The following BECN1 variants were observed in gnomAD, a reference collection of about 807,000 sequenced individuals.
BECN1 encodes beclin-1.
In BECN1, 15 loss-of-function variants were observed where a neutral mutation model predicts 60.1. The observed-to-expected ratio is 0.25, with a 90% CI of 0.17 to 0.38. The LOEUF is 0.38. Among genes scored for constraint, BECN1 ranks in the 10% least tolerant of loss-of-function variants. BECN1 has a pLI of 1.00. For synonymous variants in BECN1, 179 were observed against 201.8 expected, an observed-to-expected ratio of 0.89 and a Z score of 0.96; for missense variants, 424 against 548.2, an observed-to-expected ratio of 0.77 and a Z score of 2.26.
At position 42,814,427 on chromosome 17, in the gene BECN1, C is replaced by T. The variant is rs2055101998; in HGVS notation, c.980+97G>A. ...CCACAGAAAACTCCCAGTCTGTGGG[C>T]AGCAAGGGCTCCTGACATGGTGGAC... is the stretch of plus-strand genomic sequence containing the variant. On this transcript the variant is annotated intron_variant, in intron 9 of 11. Coordinates refer to ENST00000590099, the MANE Select transcript of BECN1 (RefSeq NM_001313998.2). 31 of 1,522,336 alleles carry T rather than the reference C, an allele frequency of 2.0e-5. No homozygotes were observed. In the South Asian group the frequency reaches 3.8e-4, roughly 19 times the overall value. The allele number at this position is 1,522,336 out of a possible 1,614,324, so 94.3% of individuals were successfully genotyped here.
In BECN1 at chr17:42,818,883, G is replaced by C; in HGVS notation, c.261-6C>G. On this transcript the variant is annotated splice_region_variant and splice_polypyrimidine_tract_variant and intron_variant, in intron 4 of 11. Coordinates refer to ENST00000590099, the MANE Select transcript of BECN1 (RefSeq NM_001313998.2). Reference sequence around the variant, plus strand: ...CACTTTCTGTGGACATCATCCTGCAGACAGCCCCCCGCCCACGGGCCACAT... The same window carrying C: ...CACTTTCTGTGGACATCATCCTGCACACAGCCCCCCGCCCACGGGCCACAT... 1 of 1,614,038 alleles carries C rather than the reference G, an allele frequency of 6.2e-7. No homozygotes were observed. Among genetic ancestry groups the C allele is most frequent in the Non-Finnish European group, 8.5e-7 (1 of 1,179,916 alleles).
intron 11 of BECN1, chr17:42,811,284 A>C (rs546368381): frequency 3.6e-6 from 1 of 276,488 alleles, no homozygotes; most frequent in East Asian, 6.6e-5. Context: ...TGATAGAAGC[A>C]GCCTTACTCT....
intron 11 of BECN1, 109 bp downstream of exon 11, chr17:42,811,546 T>C (rs1456264201): frequency 7.0e-7 from 1 of 1,419,300 alleles, no homozygotes; most frequent in East Asian, 2.3e-5. Flanking sequence ...TTCTGTGCCA[T>C]TTTTTTGCTT....
At position 42,813,995 on chromosome 17, in the gene BECN1, G is replaced by C; in HGVS notation, c.994C>G (p.Pro332Ala). ...GLKFQRYRLV[P>A]YGNHSYLESL... ...TCCAGATATGAATGGTTTCCGTAAG[G>C]AACAAGTCGGTATCTAAAATAGAGA... Residue 332 changes from proline to alanine, a missense_variant, in exon 10 of 12, where the codon CCT (proline) becomes GCT (alanine). This residue lies in a region of BECN1 where 326 missense variants were observed against 406.2 expected (regional missense o/e 0.80). Coordinates refer to ENST00000590099, the MANE Select transcript of BECN1 (RefSeq NM_001313998.2). The C allele has an allele frequency of 6.2e-7, 1 of 1,603,198 alleles. No individual in the cohort carries two copies. The highest frequency in any genetic ancestry group is 2.2e-5 in the East Asian group (1 of 44,682).
In BECN1 at chr17:42,811,707, G is replaced by C; in HGVS notation, c.1132C>G (p.Gln378Glu). Residue 378 changes from glutamine to glutamate, a missense_variant, in exon 11 of 12, where the codon CAG (glutamine) becomes GAG (glutamate). Around this residue, in one of 3 missense-constraint regions of BECN1, gnomAD observed 326 missense variants for 406.2 expected, o/e 0.80. Coordinates refer to ENST00000590099, the MANE Select transcript of BECN1 (RefSeq NM_001313998.2). ...AMVAFLDCVQ[Q>E]FKEEVEKGET... ...CCTTTCTCAACCTCTTCTTTGAACTGCTGCACACAGTCCAGGAAAGCCACC... is the reference window on the plus strand; with the variant it reads ...CCTTTCTCAACCTCTTCTTTGAACTCCTGCACACAGTCCAGGAAAGCCACC... The C allele has an allele frequency of 6.2e-7, 1 of 1,614,160 alleles. No individual in the cohort carries two copies. The highest frequency in any genetic ancestry group is 8.5e-7 in the Non-Finnish European group (1 of 1,180,028).
chr17:42,814,370 G>T, intron 9 of BECN1, 154 bp downstream of exon 9: 2 of 995,906 alleles, frequency 2.0e-6, no homozygotes, highest in East Asian at 2.5e-5. Context: ...GCCCTGTGAT[G>T]AGGGGAAAAT....
At chr17:42,818,970 A>G in intron 4 of BECN1, 93 bp from the exon 5 acceptor site, 1 of 1,403,974 alleles carries the variant, frequency 7.1e-7, no homozygotes, top group Non-Finnish European at 9.9e-7. Context: ...CTCAAGCACC[A>G]GCTGAGGGGC....
intron 2 of BECN1, among the ~76,000 whole-genome samples, chr17:42,823,480 C>CG (rs1446810737): frequency 1.9e-4 from 29 of 152,316 alleles, no homozygotes; most frequent in African/African-American, 7.0e-4. Context: ...TCTCGAACTC[C>CG]TGACCTCAGG....
chr17:42,818,236 T>G lies in BECN1; in HGVS notation c.668A>C (p.Asp223Ala). The G allele has an allele frequency of 1.2e-6, 2 of 1,614,172 alleles. No individual in the cohort carries two copies. Among genetic ancestry groups the G allele is most frequent in the Non-Finnish European group, 1.7e-6 (2 of 1,180,014 alleles). ...EKVQAEAERLDQEEAQYQREY... is the reference protein window; with the variant it reads ...EKVQAEAERLAQEEAQYQREY... ...GAGCACTCACTGAGCTTCCTCCTGA[T>G]CCAGTCTCTCAGCCTCAGCCTGGAC... Residue 223 changes from aspartate (D) to alanine (A), a missense_variant, in exon 7 of 12, where the codon GAT (aspartate) becomes GCT (alanine). By Grantham distance (126) the Asp-to-Ala change is moderately radical. Around this residue, in one of 3 missense-constraint regions of BECN1, gnomAD observed 326 missense variants for 406.2 expected, o/e 0.80. Transcript: ENST00000590099.
Position 42,819,592 on chromosome 17 carries a change from A to C in BECN1, c.216T>G (p.Thr72=). ...TNSGEEPFIE[T]PRQDGVSRRF... ...TGCGAGAGACACCATCCTGGCGAGG[A>C]GTTTCAATAAATGGCTCCTGGGAAA... The change falls in exon 4 of 12, where the codon ACT becomes ACG. Residue 72 remains threonine (T), a synonymous_variant. Coordinates refer to ENST00000590099, the MANE Select transcript of BECN1 (RefSeq NM_001313998.2). 6.2e-7 allele frequency: 1 copy of C among 1,613,708 alleles called. No homozygotes were observed. The highest frequency in any genetic ancestry group is 8.5e-7 in the Non-Finnish European group (1 of 1,179,936).
intron 7 of BECN1, among the ~76,000 whole-genome samples, chr17:42,817,310 C>CA (rs2055168239): frequency 2.7e-5 from 4 of 148,030 alleles, no homozygotes; most frequent in Admixed American, 2.7e-4. Context: ...AAAAAAAAAA[C>CA]AAAAAAACAG....
chr17:42,818,887 GC>G lies in BECN1; in HGVS notation c.261-11del. On this transcript the variant is annotated splice_polypyrimidine_tract_variant and intron_variant, in intron 4 of 11. Transcript: ENST00000590099. ...TTCTGTGGACATCATCCTGCAGACA[GC>G]CCCCCGCCCACGGGCCACATGAGGG... is the stretch of plus-strand genomic sequence containing the variant. The G allele has an allele frequency of 1.9e-6, 3 of 1,613,844 alleles. No homozygotes were observed. The highest frequency in any genetic ancestry group is 2.5e-6 in the Non-Finnish European group (3 of 1,179,814).
At chr17:42,814,064 G>T (rs574099052) in intron 9 of BECN1, 56 bp from the exon 10 acceptor site, 1 of 1,283,990 alleles carries the variant, frequency 7.8e-7, no homozygotes, top group Admixed American at 2.2e-5. Context: ...AGTGATTATT[G>T]GGAAGTTACA....
chr17:42,814,745 C>T (rs1245689684), intron 8 of BECN1, 72 bp from the exon 9 acceptor site: 6 of 1,571,644 alleles, frequency 3.8e-6, no homozygotes, highest in Non-Finnish European at 5.2e-6. Flanking sequence ...CCCACTCTCA[C>T]CCCAAACCTA....
intron 7 of BECN1, among the ~76,000 whole-genome samples, chr17:42,816,539 C>G (rs189581316): frequency 3.2e-4 from 48 of 151,424 alleles, no homozygotes; most frequent in Non-Finnish European, 2.4e-4. Flanking sequence ...GTAGTCCCAG[C>G]TACTTGGGAG....
In BECN1 at chr17:42,814,560, T is replaced by C; in HGVS notation, c.944A>G (p.His315Arg). The C allele has an allele frequency of 6.2e-7, 1 of 1,614,214 alleles. No individual in the cohort carries two copies. Among genetic ancestry groups the C allele is most frequent in the Non-Finnish European group, 8.5e-7 (1 of 1,180,034 alleles). Reference sequence around the variant, plus strand: ...CAGACCCATCTTATTGGCCAGAGCATGGAGCAGCAACACAGTCTGGCCCCA... The same window carrying C: ...CAGACCCATCTTATTGGCCAGAGCACGGAGCAGCAACACAGTCTGGCCCCA... ...AAWGQTVLLL[H>R]ALANKMGLKF... Residue 315 changes from histidine (H) to arginine (R), a missense_variant, in exon 9 of 12, where the codon CAT (histidine) becomes CGT (arginine). Physicochemically the swap from His to Arg is conservative, Grantham distance 29. Coordinates refer to ENST00000590099, the MANE Select transcript of BECN1 (RefSeq NM_001313998.2).
chr17:42,818,378 C>A lies in BECN1; in HGVS notation c.526G>T (p.Asp176Tyr). 6.2e-7 allele frequency: 1 copy of A among 1,614,232 alleles called. No homozygotes were observed. The highest frequency in any genetic ancestry group is 8.5e-7 in the Non-Finnish European group (1 of 1,180,032). The part of the protein sequence containing the change: ...LEILEQMNED[D>Y]SEQLQMELKE... Reference sequence around the variant, plus strand: ...AGCTCCATCTGTAACTGTTCACTGTCATCCTCATTCATTTGCTCTAAGATC... The same window carrying A: ...AGCTCCATCTGTAACTGTTCACTGTAATCCTCATTCATTTGCTCTAAGATC... Residue 176 changes from aspartate (D) to tyrosine (Y), a missense_variant, in exon 7 of 12, where the codon GAC becomes TAC. By Grantham distance (160) the Asp-to-Tyr change is radical. Coordinates refer to ENST00000590099, the MANE Select transcript of BECN1 (RefSeq NM_001313998.2).
In BECN1 at chr17:42,818,378, C is replaced by T; in HGVS notation, c.526G>A (p.Asp176Asn). 1 of 1,614,232 alleles carries T rather than the reference C, an allele frequency of 6.2e-7. No individual in the cohort carries two copies. The highest frequency in any genetic ancestry group is 8.5e-7 in the Non-Finnish European group (1 of 1,180,032). The change falls in exon 7 of 12, where the codon GAC becomes AAC. Residue 176 changes from aspartate (D) to asparagine (N), a missense_variant. Coordinates refer to ENST00000590099, the MANE Select transcript of BECN1 (RefSeq NM_001313998.2). ...AGCTCCATCTGTAACTGTTCACTGT[C>T]ATCCTCATTCATTTGCTCTAAGATC... Reference protein sequence around the residue: ...LEILEQMNEDDSEQLQMELKE... With the variant: ...LEILEQMNEDNSEQLQMELKE...
intron 2 of BECN1, among the ~76,000 whole-genome samples, chr17:42,821,972 T>C (rs2055274205): frequency 1.3e-5 from 2 of 152,192 alleles, no homozygotes; most frequent in South Asian, 4.1e-4. Flanking sequence ...TTTGGGAGGC[T>C]GAGGCGGGCA....
Sources: allele counts gnomAD v4.1 joint callset (sites outside exome capture counted in the v4.1 genomes callset), GRCh38; gene constraint gnomAD v4.1.1; regional missense constraint gnomAD v4.1.1; transcripts MANE v1.5; gene names NCBI Gene and HGNC (gene_info 2026-07-23, HGNC 2026-07-21).